Variants in DUSP29 observed in about 807,000 individuals in gnomAD.
DUSP29 encodes the protein dual specificity phosphatase 29.
DUSP29 carries 12 observed loss-of-function variants against 13.5 expected under a neutral mutation model. That is an observed-to-expected ratio of 0.89 (90% confidence interval 0.57 to 1.44). DUSP29 has a LOEUF of 1.44. Among genes scored for constraint, DUSP29 ranks in the 40% most tolerant of loss-of-function variants. The probability of loss-of-function intolerance (pLI) is 0.00; values close to 1 mark genes in which losing one functional copy is unlikely to be tolerated. For synonymous variants in DUSP29, 134 were observed against 128.7 expected, an observed-to-expected ratio of 1.04 and a Z score of -0.28; for missense variants, 308 against 301.1, an observed-to-expected ratio of 1.02 and a Z score of -0.17.
At chr10:75,059,005 G>A (rs756321478) in intron 1 of DUSP29, among the ~76,000 whole-genome samples, 2 of 152,220 alleles carry the variant, frequency 1.3e-5, no homozygotes, top group Non-Finnish European at 2.9e-5. Flanking sequence ...CCGTCAGCCA[G>A]TGGAAAGAGT....
intron 1 of DUSP29, among the ~76,000 whole-genome samples, chr10:75,065,618 C>G (rs1183289885): frequency 6.6e-6 from 1 of 152,094 alleles, no homozygotes. Context: ...CATGAGCCAC[C>G]GCGCCCAGCC....
intron 3 of DUSP29, 150 bp from the exon 4 acceptor site, chr10:75,038,227 ACT>A (rs1374947083): frequency 5.0e-6 from 5 of 991,604 alleles, no homozygotes; most frequent in African/African-American, 5.0e-5. Context: ...GAACGGGGAC[ACT>A]CTCGGTGTCT....
intron 1 of DUSP29, among the ~76,000 whole-genome samples, chr10:75,071,894 C>T (rs900920917): frequency 9.8e-5 from 15 of 152,332 alleles, no homozygotes; most frequent in African/African-American, 2.6e-4. Context: ...AAGACACAAG[C>T]GGCTGGTTGT....
In DUSP29 at chr10:75,058,479, A is replaced by G; in HGVS notation, c.36T>C (p.Asn12=). The G allele has an allele frequency of 4.3e-6, 7 of 1,614,192 alleles. No homozygotes were observed. The highest frequency in any genetic ancestry group is 5.9e-6 in the Non-Finnish European group (7 of 1,180,038). The stretch of plus-strand genomic sequence containing the variant: ...ACAGCCTCTTGGCAGATGAGTAGGC[A>G]TTCTTGAGGCTTGTCTTCACTTCTC... ...TSGEVKTSLK[N]AYSSAKRLSP... Residue 12 remains asparagine, a synonymous_variant, in exon 2 of 4, where the codon AAT becomes AAC. Coordinates refer to ENST00000338487, the MANE Select transcript of DUSP29 (RefSeq NM_001003892.3).
intron 1 of DUSP29, among the ~76,000 whole-genome samples, chr10:75,072,731 C>G (rs1055998829): frequency 1.3e-5 from 2 of 152,094 alleles, no homozygotes; most frequent in African/African-American, 4.8e-5. Flanking sequence ...GCCCTTCCTC[C>G]TGTTCGCTGG....
intron 1 of DUSP29, among the ~76,000 whole-genome samples, chr10:75,072,013 G>T (rs553596846): frequency 7.5e-4 from 114 of 152,288 alleles, no homozygotes; most frequent in African/African-American, 2.7e-3. Context: ...GAGAAGAGTC[G>T]GCTGCTGAGT....
chr10:75,044,024 G>T lies in DUSP29; in HGVS notation c.201-7C>A, dbSNP rs370915972. 4 of 1,603,686 alleles carry T rather than the reference G, an allele frequency of 2.5e-6. No individual in the cohort carries two copies. Among genetic ancestry groups the T allele is most frequent in the Non-Finnish European group, 3.4e-6 (4 of 1,175,456 alleles). Reference sequence around the variant, plus strand: ...GCGGTCCAGCGCCGTCGCCCTGGGCGCAGGGGAGAGAAATCTGTGGGCGCG... The same window carrying T: ...GCGGTCCAGCGCCGTCGCCCTGGGCTCAGGGGAGAGAAATCTGTGGGCGCG... On this transcript the variant is annotated splice_region_variant and splice_polypyrimidine_tract_variant and intron_variant, in intron 2 of 3. Transcript: ENST00000338487.
intron 2 of DUSP29, among the ~76,000 whole-genome samples, chr10:75,047,191 G>A (rs1207883298): frequency 6.6e-6 from 1 of 152,292 alleles, no homozygotes; most frequent in East Asian, 1.9e-4. Flanking sequence ...GGACGGGAAG[G>A]GGAGTTGGTA....
chr10:75,039,537 A>G (rs2134279107), intron 3 of DUSP29, among the ~76,000 whole-genome samples: 1 of 152,274 alleles, frequency 6.6e-6, no homozygotes, highest in Admixed American at 6.5e-5. Context: ...ACCCAAATCC[A>G]GAATCTCTAC....
At chr10:75,044,459 T>C (rs1335189468) in intron 2 of DUSP29, among the ~76,000 whole-genome samples, 1 of 152,114 alleles carries the variant, frequency 6.6e-6, no homozygotes, top group Non-Finnish European at 1.5e-5. Flanking sequence ...CTCAACTGAA[T>C]GGTTTAAAGC....
chr10:75,047,605 A>T (rs548390167), intron 2 of DUSP29, among the ~76,000 whole-genome samples: 16 of 152,362 alleles, frequency 1.1e-4, no homozygotes, highest in African/African-American at 3.4e-4. Context: ...CTGCTGAGGG[A>T]GAAAAGACTT....
At chr10:75,039,510 C>A (rs181843448) in intron 3 of DUSP29, among the ~76,000 whole-genome samples, 180 of 152,252 alleles carry the variant, frequency 1.2e-3, no homozygotes, top group African/African-American at 4.2e-3. Flanking sequence ...AGCAAGACTG[C>A]ATCTCAAGAA....
At chr10:75,043,283 C>A (rs1846623514) in intron 3 of DUSP29, among the ~76,000 whole-genome samples, 1 of 152,174 alleles carries the variant, frequency 6.6e-6, no homozygotes. Context: ...CAAGTCAGCT[C>A]CCTGAGGGTT....
intron 1 of DUSP29, among the ~76,000 whole-genome samples, chr10:75,061,553 G>A (rs1047831473): frequency 4.6e-5 from 7 of 152,188 alleles, no homozygotes; most frequent in African/African-American, 1.4e-4. Flanking sequence ...AATGAGCTCC[G>A]AAGTGAGTCT....
At position 75,043,846 on chromosome 10, in the gene DUSP29, G is replaced by A. The variant is rs768081073; in HGVS notation, c.372C>T (p.Phe124=). Residue 124 remains phenylalanine, a synonymous_variant, in exon 3 of 4, where the codon TTC becomes TTT. Coordinates refer to ENST00000338487, the MANE Select transcript of DUSP29 (RefSeq NM_001003892.3). ...DDLPTFDLSV[F]FYPAAAFIDR... ...CGATGAAGGCTGCCGCCGGGTAGAA[G>A]AAGACACTGAGGTCGAAGGTGGGCA... is the stretch of plus-strand genomic sequence containing the variant. The A allele has an allele frequency of 5.6e-6, 9 of 1,613,990 alleles. No individual in the cohort carries two copies. Among genetic ancestry groups the A allele is most frequent in the Middle Eastern group, 1.7e-4 (1 of 6,048 alleles).
At chr10:75,059,764 T>C (rs1847047537) in intron 1 of DUSP29, among the ~76,000 whole-genome samples, 1 of 152,142 alleles carries the variant, frequency 6.6e-6, no homozygotes, top group South Asian at 2.1e-4. Context: ...GGACTCAGAA[T>C]ACAACTTGAA....
chr10:75,058,466 C>G lies in DUSP29; in HGVS notation c.49G>C (p.Ala17Pro). 1 of 1,614,202 alleles carries G rather than the reference C, an allele frequency of 6.2e-7. No homozygotes were observed. The highest frequency in any genetic ancestry group is 8.5e-7 in the Non-Finnish European group (1 of 1,180,048). The change falls in exon 2 of 4, where the codon GCC becomes CCC. Residue 17 changes from alanine (A) to proline (P), a missense_variant. Ala to Pro is a conservative substitution (Grantham distance 27, BLOSUM62 -1). Transcript: ENST00000338487. ...TCCATCTTCGGCGACAGCCTCTTGG[C>G]AGATGAGTAGGCATTCTTGAGGCTT... ...KTSLKNAYSS[A>P]KRLSPKMEEE...
At chr10:75,055,250 A>G (rs1481931751) in intron 2 of DUSP29, among the ~76,000 whole-genome samples, 2 of 151,980 alleles carry the variant, frequency 1.3e-5, no homozygotes, top group Non-Finnish European at 2.9e-5. Flanking sequence ...AAACAGTGTT[A>G]TAATAAGCAT....
intron 2 of DUSP29, among the ~76,000 whole-genome samples, chr10:75,050,377 C>T (rs950956692): frequency 9.2e-5 from 14 of 152,350 alleles, no homozygotes; most frequent in African/African-American, 2.6e-4. Context: ...TCATCATTGA[C>T]GCCAGTCCCT....
Sources: allele counts gnomAD v4.1 joint callset (sites outside exome capture counted in the v4.1 genomes callset), GRCh38; gene constraint gnomAD v4.1.1; transcripts MANE v1.5; gene names NCBI Gene and HGNC (gene_info 2026-07-23, HGNC 2026-07-21).